Variants in MAD1L1 observed in about 807,000 individuals in gnomAD.
MAD1L1 encodes mitotic spindle assembly checkpoint protein MAD1.
MAD1L1 carries 95 observed loss-of-function variants against 96.9 expected under a neutral mutation model. That is an observed-to-expected ratio of 0.98 (90% CI 0.83 to 1.16). The LOEUF is 1.16. MAD1L1 is among the 50% of genes most tolerant of loss of function. MAD1L1 has a pLI of 0.00. For missense variants in MAD1L1, 1,007 were observed against 954.4 expected (o/e 1.06, Z -0.73); for synonymous variants, 473 against 396.6 (o/e 1.19, Z -2.29).
intron 12 of MAD1L1, among the ~76,000 whole-genome samples, chr7:2,063,921 T>C (rs1057131493): frequency 3.3e-5 from 5 of 152,088 alleles, no homozygotes; most frequent in African/African-American, 9.7e-5. Context: ...CAGAAGGAAA[T>C]GGAGGGGCCT....
intron 18 of MAD1L1, among the ~76,000 whole-genome samples, chr7:1,825,984 C>A (rs1302346891): frequency 6.6e-6 from 1 of 152,190 alleles, no homozygotes; most frequent in African/African-American, 2.4e-5. Context: ...GTCGGCGCGG[C>A]CCCAGCTTGG....
At chr7:2,178,876 GAC>G (rs1440752805) in intron 10 of MAD1L1, among the ~76,000 whole-genome samples, 1 of 145,288 alleles carries the variant, frequency 6.9e-6, no homozygotes, top group Admixed American at 6.9e-5. Context: ...CAGCCTAGGC[GAC>G]ACAGAGTCTC....
At chr7:2,204,028 A>G (rs1026957040) in intron 10 of MAD1L1, among the ~76,000 whole-genome samples, 3 of 152,224 alleles carry the variant, frequency 2.0e-5, no homozygotes, top group African/African-American at 7.2e-5. Flanking sequence ...ATTCATTTGC[A>G]TTTATGCAGC....
intron 18 of MAD1L1, among the ~76,000 whole-genome samples, chr7:1,885,835 G>A (rs867543660): frequency 6.6e-6 from 1 of 152,198 alleles, no homozygotes; most frequent in Admixed American, 6.5e-5. Context: ...TAGGCCGGGT[G>A]GGCCCACTCC....
intron 10 of MAD1L1, among the ~76,000 whole-genome samples, chr7:2,171,639 C>A (rs58934518): frequency 6.6e-6 from 1 of 151,236 alleles, no homozygotes; most frequent in African/African-American, 2.4e-5. Context: ...AGCAGAGAAG[C>A]CCAGCAGCTG....
At chr7:2,097,410 G>A (rs1786550134) in intron 11 of MAD1L1, among the ~76,000 whole-genome samples, 1 of 152,170 alleles carries the variant, frequency 6.6e-6, no homozygotes, top group African/African-American at 2.4e-5. Context: ...CCAGAGCCGG[G>A]ACACCTGGGG....
At chr7:2,092,762 A>G (rs1297655293) in intron 11 of MAD1L1, among the ~76,000 whole-genome samples, 3 of 152,194 alleles carry the variant, frequency 2.0e-5, no homozygotes, top group African/African-American at 7.2e-5. Context: ...TCCTCTTAAC[A>G]GTATCTTCCA....
chr7:2,231,362 G>A (rs1794181838), intron 1 of MAD1L1, among the ~76,000 whole-genome samples: 1 of 152,042 alleles, frequency 6.6e-6, no homozygotes. Context: ...GCTCATGCCT[G>A]TAATCCCAGC....
chr7:2,195,084 T>C (rs1222872501), intron 10 of MAD1L1, among the ~76,000 whole-genome samples: 2 of 146,046 alleles, frequency 1.4e-5, no homozygotes, highest in Admixed American at 6.7e-5. Flanking sequence ...CAAGACTCTG[T>C]CTCAAAAAAA....
chr7:1,842,237 G>A (rs1172423643), intron 18 of MAD1L1, among the ~76,000 whole-genome samples: 2 of 152,208 alleles, frequency 1.3e-5, no homozygotes, highest in East Asian at 3.9e-4. Context: ...CGGTAATTAA[G>A]CCAGAGGAAG....
At chr7:1,901,191 G>C (rs1787221644) in intron 17 of MAD1L1, among the ~76,000 whole-genome samples, 2 of 152,216 alleles carry the variant, frequency 1.3e-5, no homozygotes, top group South Asian at 4.1e-4. Flanking sequence ...CCAGCGTTCT[G>C]ACCCCCCTTT....
intron 15 of MAD1L1, among the ~76,000 whole-genome samples, chr7:1,971,484 G>T (rs928762093): frequency 1.3e-5 from 2 of 152,128 alleles, no homozygotes; most frequent in African/African-American, 4.8e-5. Context: ...ACATGGGGAA[G>T]TGTTTATGTT....
intron 17 of MAD1L1, among the ~76,000 whole-genome samples, chr7:1,910,670 C>T (rs1010557319): frequency 2.0e-5 from 3 of 152,218 alleles, no homozygotes; most frequent in East Asian, 3.9e-4. Flanking sequence ...CGTGTTTGCC[C>T]GTGTCCTGGC....
At chr7:2,059,894 G>A (rs903245966) in intron 12 of MAD1L1, among the ~76,000 whole-genome samples, 1 of 152,160 alleles carries the variant, frequency 6.6e-6, no homozygotes. Flanking sequence ...CATGAAAACT[G>A]CGTCGAATGT....
chr7:2,120,673 T>C (rs1312329528), intron 11 of MAD1L1, among the ~76,000 whole-genome samples: 1 of 152,210 alleles, frequency 6.6e-6, no homozygotes, highest in Non-Finnish European at 1.5e-5. Context: ...AACCAAGGCG[T>C]TTCAGAAACA....
intron 11 of MAD1L1, among the ~76,000 whole-genome samples, chr7:2,104,387 C>A (rs1439407305): frequency 6.6e-6 from 1 of 152,244 alleles, no homozygotes; most frequent in East Asian, 1.9e-4. Context: ...CAATAGCAGG[C>A]CAAGGGGGAC....
rs937577038 is a variant in MAD1L1 at position 2,216,072 on chromosome 7, C to T, written c.810-73G>A. On this transcript the variant is annotated intron_variant, in intron 8 of 18. Coordinates refer to ENST00000265854, the MANE Select transcript of MAD1L1 (RefSeq NM_001013836.2). ...TAAGGCCAAGAGCCCGGGAGCCCTG[C>T]CCCTACAGGGTCTGCACAGTGGGCT... 7 of 1,609,200 alleles carry T rather than the reference C, an allele frequency of 4.3e-6. No homozygotes were observed. In the African/African-American group the frequency reaches 6.7e-5, roughly 15 times the overall value.
chr7:2,053,437 G>T (rs1436833043), intron 12 of MAD1L1, among the ~76,000 whole-genome samples: 1 of 152,232 alleles, frequency 6.6e-6, no homozygotes, highest in Non-Finnish European at 1.5e-5. Context: ...TGTATGCAAG[G>T]AACTGTGCCA....
chr7:1,826,281 C>T lies in MAD1L1; in HGVS notation c.1999-10053G>A, dbSNP rs575746106. ...GAGCCCTGACAGTCACTGCCTGGCCCGTCCGCGCTCTGAGGAGGGAGAGAG... is the reference window on the plus strand; with the variant it reads ...GAGCCCTGACAGTCACTGCCTGGCCTGTCCGCGCTCTGAGGAGGGAGAGAG... On this transcript the variant is annotated intron_variant, in intron 18 of 18. Transcript: ENST00000265854. 6.5e-4 allele frequency among the ~76,000 whole-genome samples: 99 copies of T among 152,218 alleles called. 1 individual carries two copies. The highest frequency in any genetic ancestry group is 4.8e-3 in the Admixed American group (73 of 15,294).
Sources: allele counts gnomAD v4.1 joint callset (sites outside exome capture counted in the v4.1 genomes callset), GRCh38; gene constraint gnomAD v4.1.1; transcripts MANE v1.5; gene names NCBI Gene and HGNC (gene_info 2026-07-23, HGNC 2026-07-21).